The following CHRM2 variants were observed in gnomAD, a reference collection of about 807,000 sequenced individuals.
The protein encoded by CHRM2 is cholinergic receptor muscarinic 2.
In CHRM2, 8 loss-of-function variants were observed where a neutral mutation model predicts 25.0. The observed-to-expected ratio is 0.32, with a 90% CI of 0.19 to 0.58. The LOEUF is 0.58. Ranked by LOEUF, CHRM2 falls within the 20% of genes least tolerant of loss-of-function variation. The pLI, the probability that CHRM2 is intolerant of heterozygous loss-of-function variation, is 0.88. For missense variants in CHRM2, 440 were observed against 567.1 expected (o/e 0.78, Z 2.28); for synonymous variants, 202 against 205.7 (o/e 0.98, Z 0.15).
intron 2 of CHRM2, among the ~76,000 whole-genome samples, chr7:136,961,556 C>T (rs1170650295): frequency 1.3e-5 from 2 of 152,080 alleles, no homozygotes; most frequent in Non-Finnish European, 2.9e-5. Context: ...TTAATAAATA[C>T]AAAATTTCTA....
At chr7:137,002,861 C>T (rs933300880) in intron 3 of CHRM2, among the ~76,000 whole-genome samples, 9 of 152,012 alleles carry the variant, frequency 5.9e-5, no homozygotes, top group African/African-American at 2.2e-4. Flanking sequence ...TTATAATGGA[C>T]TCAGTAATAG....
intron 2 of CHRM2, among the ~76,000 whole-genome samples, chr7:136,931,449 C>T (rs1169440506): frequency 6.6e-6 from 1 of 152,146 alleles, no homozygotes; most frequent in Non-Finnish European, 1.5e-5. Flanking sequence ...GAAGAACCTC[C>T]TGGAGCTATG....
At chr7:136,982,825 G>A (rs774765690) in intron 2 of CHRM2, among the ~76,000 whole-genome samples, 5 of 152,142 alleles carry the variant, frequency 3.3e-5, no homozygotes, top group African/African-American at 4.8e-5. Context: ...TTAGTCTGAT[G>A]GGCTTCCTTT....
chr7:136,913,754 T>C (rs140011449), intron 2 of CHRM2, among the ~76,000 whole-genome samples: 1 of 151,966 alleles, frequency 6.6e-6, no homozygotes, highest in South Asian at 2.1e-4. Flanking sequence ...GTGGGTATTA[T>C]TTTAAAAAAT....
chr7:136,912,787 G>T (rs2130693068), intron 2 of CHRM2, among the ~76,000 whole-genome samples: 1 of 151,888 alleles, frequency 6.6e-6, no homozygotes, highest in African/African-American at 2.4e-5. Flanking sequence ...CTAACACAAA[G>T]CTGCTATTTG....
chr7:136,949,154 G>A (rs1563084316), intron 2 of CHRM2, among the ~76,000 whole-genome samples: 1 of 152,072 alleles, frequency 6.6e-6, no homozygotes, highest in Non-Finnish European at 1.5e-5. Context: ...AATATAGAAG[G>A]AAAAGGAATC....
intron 2 of CHRM2, among the ~76,000 whole-genome samples, chr7:136,972,218 T>C (rs947428861): frequency 6.6e-6 from 1 of 152,094 alleles, no homozygotes; most frequent in African/African-American, 2.4e-5. Context: ...AACTAAAGGA[T>C]TTATTTTCTT....
intron 3 of CHRM2, among the ~76,000 whole-genome samples, chr7:136,999,332 T>G (rs555757616): frequency 2.7e-4 from 41 of 152,282 alleles, no homozygotes; most frequent in African/African-American, 8.4e-4. Flanking sequence ...CGTTTATTTA[T>G]GTAACAAACT....
intron 2 of CHRM2, among the ~76,000 whole-genome samples, chr7:136,886,899 T>C (rs1390374815): frequency 6.6e-6 from 1 of 152,124 alleles, no homozygotes; most frequent in East Asian, 1.9e-4. Context: ...ATAATAATTC[T>C]ATAGCCCATC....
intron 2 of CHRM2, among the ~76,000 whole-genome samples, chr7:136,908,713 T>C (rs1234331632): frequency 1.3e-5 from 2 of 151,970 alleles, no homozygotes; most frequent in Non-Finnish European, 2.9e-5. Flanking sequence ...AAAGCCAAAT[T>C]TCTGACGGAA....
chr7:136,924,378 C>T (rs1421005486), intron 2 of CHRM2, among the ~76,000 whole-genome samples: 1 of 140,604 alleles, frequency 7.1e-6, no homozygotes, highest in Admixed American at 7.4e-5. Context: ...CACCCCACAA[C>T]AGGCCCTGAT....
At chr7:136,880,234 C>CT (rs150009663) in intron 2 of CHRM2, among the ~76,000 whole-genome samples, 20,562 of 151,588 alleles carry the variant, frequency 0.14, 1,582 homozygotes, top group Non-Finnish European at 0.18. Flanking sequence ...GCTATTGCCC[C>CT]GTTCCTATAT....
intron 2 of CHRM2, among the ~76,000 whole-genome samples, chr7:136,909,755 C>T (rs1797740127): frequency 1.3e-5 from 2 of 151,880 alleles, no homozygotes; most frequent in Admixed American, 1.3e-4. Flanking sequence ...CTTCCTTCTT[C>T]AATTTACATG....
At chr7:136,949,814 A>G (rs1002549849) in intron 2 of CHRM2, among the ~76,000 whole-genome samples, 2 of 151,030 alleles carry the variant, frequency 1.3e-5, no homozygotes, top group Admixed American at 6.6e-5. Flanking sequence ...ATCTCGGCTC[A>G]CTGCAAGCTC....
At chr7:136,883,056 C>T (rs1796326592) in intron 2 of CHRM2, among the ~76,000 whole-genome samples, 1 of 152,132 alleles carries the variant, frequency 6.6e-6, no homozygotes, top group Non-Finnish European at 1.5e-5. Context: ...CTTAGCCTTA[C>T]TCAAAAGAGG....
intron 2 of CHRM2, among the ~76,000 whole-genome samples, chr7:136,885,138 A>G (rs1339901581): frequency 2.0e-5 from 3 of 152,222 alleles, no homozygotes; most frequent in African/African-American, 7.2e-5. Flanking sequence ...ATCTTCATAG[A>G]GACCCAAAGG....
In CHRM2 at chr7:136,957,443, TAAAC is replaced by T. The variant is rs1800791537; in HGVS notation, c.-124-34741_-124-34738del. ...GCTTGTGCAAATAAACTGGAAATGT[TAAAC>T]AAGCTGACAAACACATAAACCCACA... On this transcript the variant is annotated intron_variant, in intron 2 of 3. Coordinates refer to ENST00000680005, the MANE Select transcript of CHRM2 (RefSeq NM_001006630.2). Among the ~76,000 whole-genome samples, 5 of 152,228 alleles carry T rather than the reference TAAAC, an allele frequency of 3.3e-5. No homozygotes were observed. In the South Asian group the frequency reaches 1.0e-3, roughly 31 times the overall value.
chr7:136,885,926 G>A (rs916623948), intron 2 of CHRM2, among the ~76,000 whole-genome samples: 10 of 152,138 alleles, frequency 6.6e-5, no homozygotes, highest in East Asian at 1.9e-4. Context: ...AGTCCCGTAC[G>A]TTATTCTCAG....
At chr7:136,904,401 T>C (rs1162175922) in intron 2 of CHRM2, among the ~76,000 whole-genome samples, 2 of 151,950 alleles carry the variant, frequency 1.3e-5, no homozygotes, top group Non-Finnish European at 2.9e-5. Context: ...GCTACCATTA[T>C]CTATTTAAGA....
Sources: gnomAD v4.1 joint callset for allele counts (sites outside exome capture counted in the v4.1 genomes callset) on GRCh38, gnomAD v4.1.1 for gene constraint, MANE v1.5 for transcripts, NCBI Gene and HGNC (gene_info 2026-07-23, HGNC 2026-07-21) for gene names.